Variants in SPHKAP observed in about 807,000 individuals in gnomAD.
The protein encoded by SPHKAP is SPHK1 interactor, AKAP domain containing.
A neutral mutation model predicts 137.5 loss-of-function variants in SPHKAP; 67 were observed. That is an observed-to-expected ratio of 0.49 (90% confidence interval 0.40 to 0.60). SPHKAP has a LOEUF of 0.60. Among genes scored for constraint, SPHKAP ranks in the 20% least tolerant of loss-of-function variants. SPHKAP has a pLI of 0.00. For missense variants in SPHKAP, 2,097 were observed against 2,069.3 expected, an observed-to-expected ratio of 1.01 and a Z score of -0.26; for synonymous variants, 813 against 785.3, an observed-to-expected ratio of 1.04 and a Z score of -0.59.
chr2:227,991,658 G>A, intron 9 of SPHKAP: 1 of 985,392 alleles, frequency 1.0e-6, no homozygotes. Flanking sequence ...ATGAAAGAGA[G>A]ATTTTGTGGG....
At chr2:228,126,713 A>C (rs1288074920) in intron 2 of SPHKAP, among the ~76,000 whole-genome samples, 1 of 152,132 alleles carries the variant, frequency 6.6e-6, no homozygotes, top group Non-Finnish European at 1.5e-5. Flanking sequence ...GCCATCTCTC[A>C]CTACCAAAAA....
At chr2:227,982,690 C>T (rs1353762380) in intron 11 of SPHKAP, among the ~76,000 whole-genome samples, 2 of 152,168 alleles carry the variant, frequency 1.3e-5, no homozygotes, top group East Asian at 3.8e-4. Context: ...AATTCTGTCA[C>T]AACTCTATGA....
At chr2:228,034,231 A>G (rs902189338) in intron 3 of SPHKAP, among the ~76,000 whole-genome samples, 4 of 152,214 alleles carry the variant, frequency 2.6e-5, no homozygotes, top group African/African-American at 4.8e-5. Context: ...ACAAACTACC[A>G]TCAGAGAATA....
intron 3 of SPHKAP, chr2:228,027,825 G>C (rs1393877881): frequency 2.7e-5 from 5 of 183,398 alleles, no homozygotes; most frequent in Non-Finnish European, 5.2e-5. Context: ...AATTAGCTGG[G>C]TGTGTTGGCA....
intron 3 of SPHKAP, among the ~76,000 whole-genome samples, chr2:228,082,111 A>C (rs576242409): frequency 6.6e-6 from 1 of 152,330 alleles, no homozygotes; most frequent in East Asian, 1.9e-4. Flanking sequence ...TCTATTTACA[A>C]AACAGGCAGT....
In SPHKAP at chr2:228,129,413, C is replaced by T. The variant is rs561029968; in HGVS notation, c.138+2567G>A. On this transcript the variant is annotated intron_variant, in intron 2 of 11. Coordinates refer to ENST00000392056, the MANE Select transcript of SPHKAP (RefSeq NM_001142644.2). ...GTTTAACTTATGAATTATGATATGA[C>T]TTTTTACAAGAGAAACCAGTATTAT... Among the ~76,000 whole-genome samples, 4 of 152,234 alleles carry T rather than the reference C, an allele frequency of 2.6e-5. No individual in the cohort carries two copies. In the South Asian group the frequency reaches 8.3e-4, roughly 32 times the overall value.
rs368516182 is a variant in SPHKAP, at chr2:228,173,129, C to A, written c.32+8438G>T. On this transcript the variant is annotated intron_variant, in intron 1 of 11. Coordinates refer to ENST00000392056, the MANE Select transcript of SPHKAP (RefSeq NM_001142644.2). ...CAGCTCAGGCACACTGAATGACTCA[C>A]GTATGGCAGAGGAGGAACAAATAGC... 354 of 907,864 alleles carry A rather than the reference C, an allele frequency of 3.9e-4. 10 individuals carry two copies. The South Asian group carries it at 0.016, about 40-fold the overall frequency. The allele number at this position is 907,864 out of a possible 1,614,324, so 56.2% of individuals were successfully genotyped here.
chr2:228,051,552 A>G (rs1696255734), intron 3 of SPHKAP, among the ~76,000 whole-genome samples: 1 of 152,200 alleles, frequency 6.6e-6, no homozygotes, highest in South Asian at 2.1e-4. Context: ...CAGAACACCC[A>G]GATCCAGAAA....
At chr2:228,082,353 C>T (rs923322604) in intron 3 of SPHKAP, among the ~76,000 whole-genome samples, 3 of 152,316 alleles carry the variant, frequency 2.0e-5, no homozygotes, top group South Asian at 2.1e-4. Flanking sequence ...CATTTCTTCA[C>T]TTACAATATG....
At position 228,027,539 on chromosome 2, in the gene SPHKAP, C is replaced by A. The variant is rs777080735; in HGVS notation, c.251G>T (p.Cys84Phe). ...CTTGTTCACATCAAGATTCACAAAG[C>A]AGACCTGGGAAAAGAGGGCAAAAAT... ...EDKSENCASV[C>F]FVNLDVNKDE... The change falls in exon 4 of 12, where the codon TGC becomes TTC. Residue 84 changes from cysteine to phenylalanine, a missense_variant. Transcript: ENST00000392056. 6.2e-7 allele frequency: 1 copy of A among 1,613,826 alleles called. No homozygotes were observed. Among genetic ancestry groups the A allele is most frequent in the South Asian group, 1.1e-5 (1 of 91,078 alleles).
At position 228,018,664 on chromosome 2, in the gene SPHKAP, A is replaced by C; in HGVS notation, c.2190T>G (p.Leu730=). Residue 730 remains leucine, a synonymous_variant, in exon 7 of 12, where the codon CTT becomes CTG. Coordinates refer to ENST00000392056, the MANE Select transcript of SPHKAP (RefSeq NM_001142644.2). ...TAGAAAGGACAGCAGGACATTCACC[A>C]AGCCGTACAATATGACTCATCTTCT... The part of the protein sequence containing the change: ...TFKKMSHIVR[L]GECPAVLSKE... 1 of 1,614,182 alleles carries C rather than the reference A, an allele frequency of 6.2e-7. No individual in the cohort carries two copies. Among genetic ancestry groups the C allele is most frequent in the Non-Finnish European group, 8.5e-7 (1 of 1,180,024 alleles).
chr2:228,107,131 A>G (rs1698367505), intron 3 of SPHKAP, among the ~76,000 whole-genome samples: 1 of 152,060 alleles, frequency 6.6e-6, no homozygotes, highest in African/African-American at 2.4e-5. Context: ...CAAGAATACA[A>G]CATATTGCTA....
intron 2 of SPHKAP, among the ~76,000 whole-genome samples, chr2:228,123,743 T>C (rs1336233266): frequency 6.6e-6 from 1 of 152,164 alleles, no homozygotes; most frequent in African/African-American, 2.4e-5. Flanking sequence ...TTTAATTAGA[T>C]CCCATTCGTC....
In SPHKAP at chr2:228,024,361, T is replaced by TTTTA. The variant is rs1553614222; in HGVS notation, c.441+1032_441+1033insTAAA. Among the ~76,000 whole-genome samples, 6 of 145,176 alleles carry TTTTA rather than the reference T, an allele frequency of 4.1e-5. No individual in the cohort carries two copies. In the East Asian group the frequency reaches 6.0e-4, roughly 15 times the overall value. On this transcript the variant is annotated intron_variant, in intron 5 of 11. Transcript: ENST00000392056. ...GAGGCAGTTTTTTTTTTTTTTTTTT[T>TTTTA]AAATCTGTGAATTCTAGAAAGAAAA...
At chr2:228,145,947 A>G (rs1362721451) in intron 1 of SPHKAP, among the ~76,000 whole-genome samples, 5 of 152,162 alleles carry the variant, frequency 3.3e-5, no homozygotes, top group Admixed American at 2.0e-4. Flanking sequence ...TTTTCATTAC[A>G]ATTATTGGCC....
At chr2:228,135,402 A>G (rs1699408015) in intron 1 of SPHKAP, among the ~76,000 whole-genome samples, 2 of 152,220 alleles carry the variant, frequency 1.3e-5, no homozygotes, top group East Asian at 1.9e-4. Context: ...AGAGAAAACT[A>G]AAAGGTCGGC....
intron 3 of SPHKAP, among the ~76,000 whole-genome samples, chr2:228,040,322 C>G (rs1162743157): frequency 1.3e-5 from 2 of 152,104 alleles, no homozygotes; most frequent in Non-Finnish European, 2.9e-5. Context: ...CTTTTTCTAA[C>G]CAAAAGGCTT....
At chr2:228,133,471 G>T (rs1232004601) in intron 1 of SPHKAP, among the ~76,000 whole-genome samples, 2 of 152,016 alleles carry the variant, frequency 1.3e-5, no homozygotes, top group Non-Finnish European at 2.9e-5. Context: ...AATGTTATAT[G>T]CATTTCTAAA....
Position 228,104,251 on chromosome 2 carries a change from TTA to T in SPHKAP, c.246+4579_246+4580del, listed in dbSNP as rs1303575255. The stretch of plus-strand genomic sequence containing the variant: ...ATATGTTATATCATTATATTATATA[TTA>T]TATATATCATTATATTATATATTAT... On this transcript the variant is annotated intron_variant, in intron 3 of 11. Transcript: ENST00000392056. Among the ~76,000 whole-genome samples, 132 of 131,678 alleles carry T rather than the reference TTA, an allele frequency of 1.0e-3. 1 individual carries two copies. The highest frequency in any genetic ancestry group is 3.3e-3 in the African/African-American group (117 of 35,992). The allele number at this position is 131,678 out of a possible 152,430, so 86.4% of individuals were successfully genotyped here. A position where few individuals can be genotyped will look rare whatever the true frequency, so the allele number is the denominator to read the frequency against.
Sources: allele counts gnomAD v4.1 joint callset (sites outside exome capture counted in the v4.1 genomes callset), GRCh38; gene constraint gnomAD v4.1.1; transcripts MANE v1.5; gene names NCBI Gene and HGNC (gene_info 2026-07-23, HGNC 2026-07-21).